Variants in MRPS6 observed in about 807,000 individuals in gnomAD.
MRPS6 encodes mitochondrial ribosomal protein S6, also known as small ribosomal subunit protein bS6m.
MRPS6 carries 6 observed loss-of-function variants against 13.1 expected under a neutral mutation model. That is an observed-to-expected ratio of 0.46 (90% CI 0.25 to 0.91). The LOEUF is 0.91. Ranked by LOEUF, MRPS6 falls within the 40% of genes least tolerant of loss-of-function variation. The pLI is 0.18. For synonymous variants in MRPS6, 61 were observed against 56.5 expected (o/e 1.08, Z -0.36); for missense variants, 164 against 155.6 (o/e 1.05, Z -0.29).
At chr21:34,084,350 G>A (rs568524524) in intron 1 of MRPS6, among the ~76,000 whole-genome samples, 4 of 152,082 alleles carry the variant, frequency 2.6e-5, no homozygotes, top group Middle Eastern at 6.8e-3. Flanking sequence ...TCTAGAAACA[G>A]TTTTTTTCTA....
chr21:34,129,285 G>A (rs1980417482), intron 2 of MRPS6, among the ~76,000 whole-genome samples: 1 of 152,106 alleles, frequency 6.6e-6, no homozygotes, highest in Admixed American at 6.5e-5. Context: ...CTTTCCACTA[G>A]ATGGGGCTGA....
chr21:34,080,029 T>A (rs1989424520), intron 1 of MRPS6, among the ~76,000 whole-genome samples: 1 of 152,230 alleles, frequency 6.6e-6, no homozygotes, highest in Admixed American at 6.5e-5. Flanking sequence ...TCTGCCCTAG[T>A]TGAACTGCTC....
chr21:34,106,677 A>ACATTGTTCCC (rs1294651840), intron 1 of MRPS6, among the ~76,000 whole-genome samples: 1 of 152,214 alleles, frequency 6.6e-6, no homozygotes, highest in Non-Finnish European at 1.5e-5. Flanking sequence ...CTATTTGCAG[A>ACATTGTTCCC]CATTGTTCCC....
intron 1 of MRPS6, among the ~76,000 whole-genome samples, chr21:34,118,067 TTGGGGTA>T (rs1445074334): frequency 6.6e-6 from 1 of 152,144 alleles, no homozygotes; most frequent in Non-Finnish European, 1.5e-5. Flanking sequence ...ATTTTAAAAT[TTGGGGTA>T]TTTTTGTTTT....
chr21:34,088,443 C>A (rs1978510547), intron 1 of MRPS6, among the ~76,000 whole-genome samples: 1 of 152,218 alleles, frequency 6.6e-6, no homozygotes, highest in East Asian at 1.9e-4. Flanking sequence ...CCATACACAT[C>A]CATTCACATG....
At chr21:34,123,167 A>AT (rs1980181609) in intron 1 of MRPS6, 1 of 152,204 alleles carries the variant, frequency 6.6e-6, no homozygotes, top group Non-Finnish European at 1.5e-5. Context: ...CTAAGCCTTA[A>AT]GCCAATACTT....
At position 34,096,646 on chromosome 21, in the gene MRPS6, T is replaced by G. The variant is rs755047769; in HGVS notation, c.45+22901T>G. 1.4e-5 allele frequency: 23 copies of G among 1,613,984 alleles called. No individual in the cohort carries two copies. In the African/African-American group the frequency reaches 2.8e-4, roughly 20 times the overall value. ...ATGGCTGGCTTTGTTCTTGGAGCAG[T>G]CCGTTTGATACTGGCCTTTGCCTAC... is the stretch of plus-strand genomic sequence containing the variant. On this transcript the variant is annotated intron_variant, in intron 1 of 2. Transcript: ENST00000399312. This position sits in a 1 kb window ranked among gnomAD's most constrained non-coding sequence, Gnocchi z 5.9.
At chr21:34,078,509 A>AT (rs1895476699) in intron 1 of MRPS6, among the ~76,000 whole-genome samples, 1 of 152,116 alleles carries the variant, frequency 6.6e-6, no homozygotes, top group African/African-American at 2.4e-5. Context: ...TGACTCACAC[A>AT]TTCAATACTG....
intron 1 of MRPS6, among the ~76,000 whole-genome samples, chr21:34,085,936 T>G (rs1450243849): frequency 6.6e-6 from 1 of 152,186 alleles, no homozygotes; most frequent in East Asian, 1.9e-4. Context: ...GTAGTGCCTT[T>G]ACACCTAACT....
intron 1 of MRPS6, among the ~76,000 whole-genome samples, chr21:34,119,402 G>C (rs1174158819): frequency 6.6e-6 from 1 of 152,140 alleles, no homozygotes. Context: ...CTTTCTATTT[G>C]AAAATTTAAA....
chr21:34,110,302 A>G (rs1199251648), intron 1 of MRPS6, among the ~76,000 whole-genome samples: 1 of 152,120 alleles, frequency 6.6e-6, no homozygotes, highest in Non-Finnish European at 1.5e-5. Flanking sequence ...CATATCTACA[A>G]AATACACAAA....
intron 1 of MRPS6, among the ~76,000 whole-genome samples, chr21:34,114,648 A>G (rs1979832781): frequency 6.6e-6 from 1 of 152,200 alleles, no homozygotes; most frequent in Non-Finnish European, 1.5e-5. Context: ...TGACTTACCC[A>G]AATCATGAAA....
chr21:34,094,491 A>G (rs1378161222), intron 1 of MRPS6, among the ~76,000 whole-genome samples: 3 of 152,116 alleles, frequency 2.0e-5, no homozygotes, highest in African/African-American at 7.2e-5. Context: ...CCTTATTACG[A>G]ATATAATTAG....
chr21:34,086,098 C>A (rs1056577641), intron 1 of MRPS6, among the ~76,000 whole-genome samples: 5 of 152,092 alleles, frequency 3.3e-5, no homozygotes. Context: ...AGCTTCTTAC[C>A]CCACTCTTTA....
At chr21:34,078,908 AG>A (rs1489419418) in intron 1 of MRPS6, among the ~76,000 whole-genome samples, 40 of 152,190 alleles carry the variant, frequency 2.6e-4, no homozygotes, top group Admixed American at 2.6e-3. Context: ...TTTTAGTGGA[AG>A]GCAATATTTT....
At chr21:34,108,919 A>G (rs1979589157) in intron 1 of MRPS6, among the ~76,000 whole-genome samples, 1 of 151,914 alleles carries the variant, frequency 6.6e-6, no homozygotes, top group South Asian at 2.1e-4. Context: ...TGGGACTGTG[A>G]TTCTCCCTGC....
intron 1 of MRPS6, among the ~76,000 whole-genome samples, chr21:34,077,012 A>G (rs1375256832): frequency 1.3e-5 from 2 of 152,186 alleles, no homozygotes; most frequent in African/African-American, 2.4e-5. Flanking sequence ...GGAAAAAGAA[A>G]TGGATTGCCT....
rs191560042 is a variant in MRPS6, at chr21:34,114,818, A to G, written c.46-10523A>G. Among the ~76,000 whole-genome samples, 176 of 152,330 alleles carry G rather than the reference A, an allele frequency of 1.2e-3. 1 individual carries two copies. Among genetic ancestry groups the G allele is most frequent in the African/African-American group, 3.9e-3 (162 of 41,580 alleles). On this transcript the variant is annotated intron_variant, in intron 1 of 2. Coordinates refer to ENST00000399312, the MANE Select transcript of MRPS6 (RefSeq NM_032476.4). ...TTAATGTTAACCAAGGCACATGACT[A>G]ACTAATATATAGCTGACAACTAGTA...
At chr21:34,109,270 G>A (rs1297685714) in intron 1 of MRPS6, among the ~76,000 whole-genome samples, 1 of 151,958 alleles carries the variant, frequency 6.6e-6, no homozygotes, top group Non-Finnish European at 1.5e-5. Context: ...GCTTTTCTCC[G>A]ATATATGCTG....
Sources: allele counts gnomAD v4.1 joint callset (sites outside exome capture counted in the v4.1 genomes callset), GRCh38; gene constraint gnomAD v4.1.1; non-coding constraint Gnocchi (gnomAD v3.1); transcripts MANE v1.5; gene names NCBI Gene and HGNC (gene_info 2026-07-23, HGNC 2026-07-21).